The following MAP3K13 variants were observed in gnomAD, a reference collection of about 807,000 sequenced individuals.
MAP3K13 encodes the protein mitogen-activated protein kinase kinase kinase 13, also known as leucine zipper-bearing kinase.
MAP3K13 carries 52 observed loss-of-function variants against 104.0 expected under a neutral mutation model. That is an observed-to-expected ratio of 0.50 (90% CI 0.40 to 0.63). MAP3K13 has a LOEUF of 0.63. Ranked by LOEUF, MAP3K13 falls within the 20% of genes least tolerant of loss-of-function variation. MAP3K13 has a pLI of 0.00. For missense variants in MAP3K13, 914 were observed against 1,218.5 expected, an observed-to-expected ratio of 0.75 and a Z score of 3.72; for synonymous variants, 394 against 442.2, an observed-to-expected ratio of 0.89 and a Z score of 1.37.
At chr3:185,457,480 T>C (rs1166620809) in intron 7 of MAP3K13, among the ~76,000 whole-genome samples, 1 of 152,194 alleles carries the variant, frequency 6.6e-6, no homozygotes. Flanking sequence ...GCCTTCTCAC[T>C]GTGTCCTCAC....
intron 2 of MAP3K13, among the ~76,000 whole-genome samples, chr3:185,333,558 C>A (rs573140003): frequency 6.6e-6 from 1 of 152,064 alleles, no homozygotes; most frequent in East Asian, 1.9e-4. Context: ...ACATAAAAAT[C>A]ATACTAGAAA....
chr3:185,455,853 TGA>T lies in MAP3K13; in HGVS notation c.1278+4461_1278+4462del, dbSNP rs1191382002. ...ATGAGATATATATATGAGATATATA[TGA>T]GATATATATGAGATATAGATGAGAT... is the stretch of plus-strand genomic sequence containing the variant. On this transcript the variant is annotated intron_variant, in intron 7 of 13. Coordinates refer to ENST00000265026, the MANE Select transcript of MAP3K13 (RefSeq NM_004721.5). Among the ~76,000 whole-genome samples, 64 of 84,024 alleles carry T rather than the reference TGA, an allele frequency of 7.6e-4. 4 individuals are homozygous for T. The highest frequency in any genetic ancestry group is 3.9e-3 in the South Asian group (9 of 2,286). 55.1% of individuals were successfully genotyped at this position (84,024 alleles called of 152,430 possible). A position where few individuals can be genotyped will look rare whatever the true frequency, so the allele number is the denominator to read the frequency against.
chr3:185,298,478 A>G (rs1197181412), intron 2 of MAP3K13, among the ~76,000 whole-genome samples: 2 of 152,202 alleles, frequency 1.3e-5, no homozygotes, highest in Admixed American at 6.5e-5. Flanking sequence ...TGCTGATTAA[A>G]TTTGTGTTGT....
chr3:185,295,114 T>C (rs1720872634), intron 2 of MAP3K13, among the ~76,000 whole-genome samples: 1 of 152,226 alleles, frequency 6.6e-6, no homozygotes. Flanking sequence ...TCAATCATTC[T>C]TTGTCTACTA....
chr3:185,301,323 T>TA (rs917431232), intron 2 of MAP3K13, among the ~76,000 whole-genome samples: 26 of 113,996 alleles, frequency 2.3e-4, no homozygotes, highest in East Asian at 7.6e-4. Flanking sequence ...GGATTTTTTT[T>TA]TTTTTATTAT....
intron 2 of MAP3K13, among the ~76,000 whole-genome samples, chr3:185,313,678 A>G (rs1721576466): frequency 6.6e-6 from 1 of 152,138 alleles, no homozygotes; most frequent in Admixed American, 6.6e-5. Context: ...TCCAAGTTTG[A>G]AAAGTAAAAA....
At chr3:185,370,625 T>G (rs2108749525) in intron 1 of MAP3K13, among the ~76,000 whole-genome samples, 1 of 152,108 alleles carries the variant, frequency 6.6e-6, no homozygotes, top group South Asian at 2.1e-4. Context: ...CACCTTCAGA[T>G]TTGCCCACGC....
chr3:185,441,301 C>T (rs914765014), intron 3 of MAP3K13, among the ~76,000 whole-genome samples: 2 of 152,216 alleles, frequency 1.3e-5, no homozygotes, highest in African/African-American at 2.4e-5. Flanking sequence ...TCCTCCTCCT[C>T]CAGGCCTCTG....
At chr3:185,311,154 C>T (rs911124529) in intron 2 of MAP3K13, among the ~76,000 whole-genome samples, 2 of 152,140 alleles carry the variant, frequency 1.3e-5, no homozygotes, top group Non-Finnish European at 2.9e-5. Flanking sequence ...TTCCTCCTTT[C>T]GTAGTTAATC....
At chr3:185,345,318 T>G (rs1298178133) in intron 2 of MAP3K13, among the ~76,000 whole-genome samples, 1 of 152,108 alleles carries the variant, frequency 6.6e-6, no homozygotes, top group African/African-American at 2.4e-5. Flanking sequence ...ACCTCCTCAA[T>G]GTATATCTCA....
intron 1 of MAP3K13, among the ~76,000 whole-genome samples, chr3:185,411,927 G>A (rs1713474362): frequency 6.6e-6 from 1 of 151,900 alleles, no homozygotes. Context: ...TGGGACTACA[G>A]GTGTGTACAA....
chr3:185,363,833 G>A (rs1386174626), intron 1 of MAP3K13, among the ~76,000 whole-genome samples: 1 of 152,172 alleles, frequency 6.6e-6, no homozygotes, highest in Non-Finnish European at 1.5e-5. Context: ...GTTTCATATT[G>A]TGTAACAGTC....
Position 185,412,656 on chromosome 3 carries a change from C to T in MAP3K13, c.-85-15841C>T, listed in dbSNP as rs547082534. Among the ~76,000 whole-genome samples, 6 of 152,314 alleles carry T rather than the reference C, an allele frequency of 3.9e-5. No homozygotes were observed. In the East Asian group the frequency reaches 7.7e-4, roughly 20 times the overall value. ...TTACTTTAAAAATTAAAGCTCAGGA[C>T]TACTTCTGTGAGCAAAAACAACAGT... On this transcript the variant is annotated intron_variant, in intron 1 of 13. Transcript: ENST00000265026.
chr3:185,372,107 TA>T (rs995602907), intron 1 of MAP3K13, among the ~76,000 whole-genome samples: 26 of 152,238 alleles, frequency 1.7e-4, no homozygotes, highest in African/African-American at 6.0e-4. Context: ...ATAACAAATT[TA>T]GATACTATGC....
chr3:185,405,461 G>A (rs758693291), intron 1 of MAP3K13, among the ~76,000 whole-genome samples: 7 of 152,204 alleles, frequency 4.6e-5, no homozygotes, highest in African/African-American at 1.7e-4. Flanking sequence ...GCTGATCACT[G>A]TTCTGTATGC....
At chr3:185,340,213 A>T (rs1430194638) in intron 2 of MAP3K13, among the ~76,000 whole-genome samples, 1 of 152,220 alleles carries the variant, frequency 6.6e-6, no homozygotes, top group Non-Finnish European at 1.5e-5. Context: ...TTTTTTAATG[A>T]TACAAAAGGT....
At chr3:185,303,666 T>C (rs1206379349) in intron 2 of MAP3K13, among the ~76,000 whole-genome samples, 1 of 152,042 alleles carries the variant, frequency 6.6e-6, no homozygotes, top group Non-Finnish European at 1.5e-5. Flanking sequence ...AGTTGTAATG[T>C]CTTCTCTTTT....
At chr3:185,366,249 T>G (rs1195263149) in intron 1 of MAP3K13, among the ~76,000 whole-genome samples, 3 of 152,084 alleles carry the variant, frequency 2.0e-5, no homozygotes, top group Non-Finnish European at 2.9e-5. Flanking sequence ...GTTTTCAAAG[T>G]TTGTCCATGT....
intron 2 of MAP3K13, among the ~76,000 whole-genome samples, chr3:185,320,968 G>T (rs964193114): frequency 1.3e-5 from 2 of 152,136 alleles, no homozygotes; most frequent in Non-Finnish European, 2.9e-5. Context: ...TATAGTATGT[G>T]ACAGTAGTGC....
Sources: allele counts gnomAD v4.1 joint callset (sites outside exome capture counted in the v4.1 genomes callset), GRCh38; gene constraint gnomAD v4.1.1; transcripts MANE v1.5; gene names NCBI Gene and HGNC (gene_info 2026-07-23, HGNC 2026-07-21).